The following ISYNA1 variants were observed in gnomAD, a reference collection of about 807,000 sequenced individuals.
The protein encoded by ISYNA1 is inositol-3-phosphate synthase 1.
A neutral mutation model predicts 50.3 loss-of-function variants in ISYNA1; 34 were observed. That is an observed-to-expected ratio of 0.68 (90% CI 0.51 to 0.90). The LOEUF (loss-of-function observed/expected upper bound fraction) is 0.90. Ranked by LOEUF, ISYNA1 falls within the 40% of genes least tolerant of loss-of-function variation. The pLI, the probability that ISYNA1 is intolerant of heterozygous loss-of-function variation, is 0.00. For synonymous variants in ISYNA1, 396 were observed against 349.9 expected, an observed-to-expected ratio of 1.13 and a Z score of -1.47; for missense variants, 718 against 784.8, an observed-to-expected ratio of 0.91 and a Z score of 1.02.
Position 18,436,956 on chromosome 19 carries a change from C to T in ISYNA1, c.415+17G>A. On this transcript the variant is annotated intron_variant, in intron 4 of 10. Transcript: ENST00000338128. ...CATCTCCCATCCCGCCCCACCCCGGCCCAGGGCTCCGCCCACCATCGAACA... is the reference window on the plus strand; with the variant it reads ...CATCTCCCATCCCGCCCCACCCCGGTCCAGGGCTCCGCCCACCATCGAACA... 1 of 1,599,308 alleles carries T rather than the reference C, an allele frequency of 6.3e-7. No homozygotes were observed. The highest frequency in any genetic ancestry group is 8.5e-7 in the Non-Finnish European group (1 of 1,170,342).
Position 18,437,929 on chromosome 19 carries a change from G to T in ISYNA1, c.51C>A (p.Gly17=). Reference sequence around the variant, plus strand: ...CGTATTGCGCCTCGATGGCCTCGGGGCCGTAGACCACGTCCGGGCTCTCGA... The same window carrying T: ...CGTATTGCGCCTCGATGGCCTCGGGTCCGTAGACCACGTCCGGGCTCTCGA... ...FFVESPDVVY[G]PEAIEAQYEY... is the part of the protein sequence containing the mutation. Residue 17 remains glycine, a synonymous_variant, in exon 2 of 11, where the codon GGC becomes GGA. Transcript: ENST00000338128. 1 of 1,608,854 alleles carries T rather than the reference G, an allele frequency of 6.2e-7. No homozygotes were observed.
rs755077720 is a variant in ISYNA1, at chr19:18,436,713, T to G, written c.580A>C (p.Asn194His). ...IAANQSARAD[N>H]LIPGSRAQQL... ...TGCGCACGCGAGCCTGGGATGAGGT[T>G]GTCCGCGCGCGCGCTCTGGTTGGCC... The change falls in exon 5 of 11, where the codon AAC (asparagine) becomes CAC (histidine). Residue 194 changes from asparagine (N) to histidine (H), a missense_variant. Physicochemically the swap from Asn to His is moderately conservative, Grantham distance 68 (BLOSUM62 1). This residue lies in a region of ISYNA1 where 403 missense variants were observed against 466.6 expected (regional missense o/e 0.86). Coordinates refer to ENST00000338128, the MANE Select transcript of ISYNA1 (RefSeq NM_016368.5). 5.1e-6 allele frequency: 8 copies of G among 1,565,542 alleles called. No homozygotes were observed. The highest frequency in any genetic ancestry group is 2.1e-5 in the Admixed American group (1 of 47,384).
chr19:18,435,972 G>T, intron 7 of ISYNA1, 51 bp from the exon 8 acceptor site: 2 of 1,612,754 alleles, frequency 1.2e-6, no homozygotes, highest in Non-Finnish European at 1.7e-6. Flanking sequence ...GGCCCCACAA[G>T]CCAGGTGCTC....
chr19:18,436,025 C>A lies in ISYNA1; in HGVS notation c.975+7G>T. 1.9e-6 allele frequency: 3 copies of A among 1,613,364 alleles called. No individual in the cohort carries two copies. Among genetic ancestry groups the A allele is most frequent in the Non-Finnish European group, 2.5e-6 (3 of 1,179,908 alleles). ...CCTGCACTCGGCAGCTCCCTAGGCCCACGCACCTTGAGGCCGGAGCCAATG... is the reference window on the plus strand; with the variant it reads ...CCTGCACTCGGCAGCTCCCTAGGCCAACGCACCTTGAGGCCGGAGCCAATG... On this transcript the variant is annotated splice_region_variant and intron_variant, in intron 7 of 10. Coordinates refer to ENST00000338128, the MANE Select transcript of ISYNA1 (RefSeq NM_016368.5).
In ISYNA1 at chr19:18,436,690, C is replaced by A. The variant is rs147482450; in HGVS notation, c.603G>T (p.Ala201=). Residue 201 remains alanine (A), a synonymous_variant, in exon 5 of 11, where the codon GCG becomes GCT. Transcript: ENST00000338128. The stretch of plus-strand genomic sequence containing the variant: ...ATGCGGGATGGGACAGCACCTGCTG[C>A]GCACGCGAGCCTGGGATGAGGTTGT... ...RADNLIPGSR[A]QQLEQIRRDI... 1.9e-6 allele frequency: 3 copies of A among 1,567,626 alleles called. No homozygotes were observed. In the African/African-American group the frequency reaches 4.1e-5, roughly 21 times the overall value.
chr19:18,435,094 T>C lies in ISYNA1; in HGVS notation c.1496A>G (p.Gln499Arg). The change falls in exon 11 of 11, where the codon CAG becomes CGG. Residue 499 changes from glutamine to arginine, a missense_variant. Gln to Arg is a conservative substitution (Grantham distance 43). Coordinates refer to ENST00000338128, the MANE Select transcript of ISYNA1 (RefSeq NM_016368.5). Reference sequence around the variant, plus strand: ...TTTGTGTTCCAGGAGCATGTGGTTCTGTGGCGGGAGCCCCACGCAGGCCCT... The same window carrying C: ...TTTGTGTTCCAGGAGCATGTGGTTCCGTGGCGGGAGCCCCACGCAGGCCCT... The part of the protein sequence containing the change: ...ILRACVGLPP[Q>R]NHMLLEHKME... The C allele has an allele frequency of 1.2e-6, 2 of 1,613,418 alleles. No homozygotes were observed. The highest frequency in any genetic ancestry group is 8.5e-7 in the Non-Finnish European group (1 of 1,179,990).
rs761855774 is a variant in ISYNA1 at position 18,437,112 on chromosome 19, G to C, written c.283-7C>G. The stretch of plus-strand genomic sequence containing the variant: ...AGCCGTAGTAGTTGGCCTCCTGGGG[G>C]TCAGCAGACACGGCGAGGTGACGGG... On this transcript the variant is annotated splice_polypyrimidine_tract_variant and splice_region_variant and intron_variant, in intron 3 of 10. Transcript: ENST00000338128. 6.4e-7 allele frequency: 1 copy of C among 1,570,500 alleles called. No homozygotes were observed. Among genetic ancestry groups the C allele is most frequent in the Admixed American group, 1.9e-5 (1 of 53,800 alleles).
intron 3 of ISYNA1, chr19:18,437,307 C>G (rs1405035712): frequency 1.4e-6 from 2 of 1,419,590 alleles, no homozygotes; most frequent in Admixed American, 3.0e-5. Context: ...CTGTAAGACT[C>G]CCGAGGAGTC....
chr19:18,437,067 G>C lies in ISYNA1; in HGVS notation c.321C>G (p.Thr107=). 2 of 1,583,802 alleles carry C rather than the reference G, an allele frequency of 1.3e-6. No individual in the cohort carries two copies. Among genetic ancestry groups the C allele is most frequent in the Non-Finnish European group, 1.7e-6 (2 of 1,168,398 alleles). The part of the protein sequence containing the change: ...NYYGSLTQAG[T]VSLGLDAEGQ... The stretch of plus-strand genomic sequence containing the variant: ...CCTCGGCGTCCAGGCCCAGGCTCAC[G>C]GTGCCCGCCTGAGTCAGCGAGCCGT... The change falls in exon 4 of 11, where the codon ACC becomes ACG. Residue 107 remains threonine (T), a synonymous_variant. Coordinates refer to ENST00000338128, the MANE Select transcript of ISYNA1 (RefSeq NM_016368.5).
At chr19:18,437,220 T>G in intron 3 of ISYNA1, 115 bp from the exon 4 acceptor site, 1 of 1,452,000 alleles carries the variant, frequency 6.9e-7, no homozygotes, top group Non-Finnish European at 9.1e-7. Flanking sequence ...ATTTTTCAGT[T>G]CCAGGCTCAC....
rs1445616774 is a variant in ISYNA1, at chr19:18,434,915, AGGT to A, written c.1672_1674del (p.Thr558del). 2.7e-5 allele frequency: 43 copies of A among 1,611,976 alleles called. No individual in the cohort carries two copies. Among genetic ancestry groups the A allele is most frequent in the Non-Finnish European group, 3.6e-5 (42 of 1,179,360 alleles). ...CGAGAAACTGTGTGACCGGGGCCTCAGGTGGTGGGCATTGGGGGCTCCTCTTGC... is the reference window on the plus strand; with the variant it reads ...CGAGAAACTGTGTGACCGGGGCCTCAGGTGGGCATTGGGGGCTCCTCTTGC... On this transcript the variant is annotated inframe_deletion, in exon 11 of 11. Coordinates refer to ENST00000338128, the MANE Select transcript of ISYNA1 (RefSeq NM_016368.5).
intron 7 of ISYNA1, 23 bp downstream of exon 7, chr19:18,436,009 G>C: frequency 1.9e-6 from 3 of 1,612,902 alleles, no homozygotes; most frequent in Non-Finnish European, 1.7e-6. Flanking sequence ...TCCTGCACTC[G>C]GCAGCTCCCT....
chr19:18,436,901 C>A, intron 4 of ISYNA1, 24 bp from the exon 5 acceptor site: 1 of 1,598,842 alleles, frequency 6.3e-7, no homozygotes, highest in Non-Finnish European at 8.5e-7. Flanking sequence ...CACACTCGGC[C>A]CTGCCCGGAT....
chr19:18,435,465 G>C lies in ISYNA1; in HGVS notation c.1273C>G (p.Pro425Ala). 1 of 1,609,116 alleles carries C rather than the reference G, an allele frequency of 6.2e-7. No individual in the cohort carries two copies. The highest frequency in any genetic ancestry group is 1.1e-5 in the South Asian group (1 of 91,076). The change falls in exon 10 of 11, where the codon CCC becomes GCC. Residue 425 changes from proline (P) to alanine (A), a missense_variant. By Grantham distance (27) the Pro-to-Ala change is conservative. Around this residue, in one of 3 missense-constraint regions of ISYNA1, gnomAD observed 305 missense variants for 292.6 expected, o/e 1.04. Transcript: ENST00000338128. ...AGCAGCGCTAGGTCCAGCATGATGG[G>C]TGCGGCCAGCAGCGAGTCCTGCGGG... ...NTCEDSLLAA[P>A]IMLDLALLTE... is the part of the protein sequence containing the mutation.
rs1051314605 is a variant in ISYNA1, at chr19:18,434,519, G to T, written c.*394C>A. The T allele has an allele frequency of 1.7e-6, 1 of 601,596 alleles. No individual in the cohort carries two copies. Among genetic ancestry groups the T allele is most frequent in the African/African-American group, 1.9e-5 (1 of 53,290 alleles). 37.3% of individuals were successfully genotyped at this position (601,596 alleles called of 1,614,324 possible). ...GGCCCCTCTCCCCAGGACGTCAGGG[G>T]GTGGGGCCCATAAATAAATGGAAGC... On this transcript the variant is annotated 3_prime_UTR_variant, in exon 11 of 11. Transcript: ENST00000338128.
Position 18,436,718 on chromosome 19 carries a change from G to A in ISYNA1, c.575C>T (p.Ala192Val), listed in dbSNP as rs529148937. 2 of 1,558,612 alleles carry A rather than the reference G, an allele frequency of 1.3e-6. No individual in the cohort carries two copies. The highest frequency in any genetic ancestry group is 1.2e-5 in the South Asian group (1 of 85,216). Reference protein sequence around the residue: ...EFIAANQSARADNLIPGSRAQ... With the variant: ...EFIAANQSARVDNLIPGSRAQ... Reference sequence around the variant, plus strand: ...ACGCGAGCCTGGGATGAGGTTGTCCGCGCGCGCGCTCTGGTTGGCCGCGAT... The same window carrying A: ...ACGCGAGCCTGGGATGAGGTTGTCCACGCGCGCGCTCTGGTTGGCCGCGAT... The change falls in exon 5 of 11, where the codon GCG becomes GTG. Residue 192 changes from alanine to valine, a missense_variant. Physicochemically the swap from Ala to Val is moderately conservative, Grantham distance 64. Coordinates refer to ENST00000338128, the MANE Select transcript of ISYNA1 (RefSeq NM_016368.5).
rs1320195241 is a variant in ISYNA1, at chr19:18,436,485, G to T, written c.610-6C>A. ...TCCCTGCGGATCTGCTCCAGCTGTG[G>T]GTTGGATGGTGAGGGTGTGGGGAGG... On this transcript the variant is annotated splice_polypyrimidine_tract_variant and splice_region_variant and intron_variant, in intron 5 of 10. Transcript: ENST00000338128. The T allele has an allele frequency of 6.2e-7, 1 of 1,603,940 alleles. No homozygotes were observed. The highest frequency in any genetic ancestry group is 1.7e-5 in the Admixed American group (1 of 59,762).
intron 8 of ISYNA1, 21 bp downstream of exon 8, chr19:18,435,736 C>T (rs1377392363): frequency 1.2e-6 from 2 of 1,611,078 alleles, no homozygotes; most frequent in Non-Finnish European, 1.7e-6. Flanking sequence ...AACCCCGCGC[C>T]CGCGCCCGCG....
chr19:18,436,944 G>A lies in ISYNA1; in HGVS notation c.415+29C>T, dbSNP rs772871610. 25 of 682,648 alleles carry A rather than the reference G, an allele frequency of 3.7e-5. 1 individual carries two copies. The highest frequency in any genetic ancestry group is 2.6e-4 in the South Asian group (19 of 72,538). 42.3% of individuals were successfully genotyped at this position (682,648 alleles called of 1,614,324 possible). On this transcript the variant is annotated intron_variant, in intron 4 of 10. Transcript: ENST00000338128. ...CCCTCCAGACCCCATCTCCCATCCC[G>A]CCCCACCCCGGCCCAGGGCTCCGCC...
Sources: allele counts gnomAD v4.1 joint callset, GRCh38; gene constraint gnomAD v4.1.1; regional missense constraint gnomAD v4.1.1; transcripts MANE v1.5; gene names NCBI Gene and HGNC (gene_info 2026-07-23, HGNC 2026-07-21).